Variants in BTBD9 observed in about 807,000 individuals in gnomAD.
BTBD9 encodes the protein BTB/POZ domain-containing protein 9.
In BTBD9, 49 loss-of-function variants were observed where a neutral mutation model predicts 64.3. The ratio of observed to expected loss-of-function variants is 0.76; its 90% CI spans 0.61 to 0.97. BTBD9 has a LOEUF of 0.97. BTBD9 is among the 50% of genes least tolerant of loss of function. BTBD9 has a pLI of 0.00. For synonymous variants in BTBD9, 260 were observed against 274.7 expected (o/e 0.95, Z 0.53); for missense variants, 598 against 762.1 (o/e 0.78, Z 2.53).
intron 6 of BTBD9, among the ~76,000 whole-genome samples, chr6:38,505,871 G>A (rs143717421): frequency 1.8e-4 from 25 of 142,024 alleles, no homozygotes; most frequent in African/African-American, 5.4e-4. Flanking sequence ...AGGCTGAGGC[G>A]GAAGAATCAC....
chr6:38,211,743 TA>T (rs34746816), intron 9 of BTBD9, among the ~76,000 whole-genome samples: 1 of 150,862 alleles, frequency 6.6e-6, no homozygotes, highest in African/African-American at 2.4e-5. Flanking sequence ...GATTCTGCCT[TA>T]AAAAAAAAAT....
chr6:38,443,718 G>A (rs143960334), intron 6 of BTBD9, among the ~76,000 whole-genome samples: 61 of 152,102 alleles, frequency 4.0e-4, no homozygotes, highest in Admixed American at 2.2e-3. Flanking sequence ...TCCTAAACTG[G>A]CTTCCTTCTA....
At chr6:38,309,559 C>T (rs966770058) in intron 7 of BTBD9, among the ~76,000 whole-genome samples, 4 of 151,438 alleles carry the variant, frequency 2.6e-5, no homozygotes, top group African/African-American at 4.9e-5. Context: ...ACTACAGGCA[C>T]GCACCACCAC....
intron 8 of BTBD9, among the ~76,000 whole-genome samples, chr6:38,264,970 G>A (rs1326642960): frequency 6.6e-6 from 1 of 152,108 alleles, no homozygotes; most frequent in Non-Finnish European, 1.5e-5. Flanking sequence ...CTCATCAGAT[G>A]GAATGGATTC....
At chr6:38,352,602 T>G (rs1171642675) in intron 6 of BTBD9, among the ~76,000 whole-genome samples, 1 of 152,158 alleles carries the variant, frequency 6.6e-6, no homozygotes. Context: ...TGGGGTAAGC[T>G]CCTTAATTTT....
intron 7 of BTBD9, among the ~76,000 whole-genome samples, chr6:38,308,916 C>T (rs538723059): frequency 6.6e-6 from 1 of 151,778 alleles, no homozygotes; most frequent in East Asian, 2.0e-4. Flanking sequence ...AGCCACTGCG[C>T]CTGGGCCAAC....
rs902858310 is a variant in BTBD9 at position 38,633,550 on chromosome 6, A to G, written c.-28+6250T>C. Among the ~76,000 whole-genome samples the G allele has an allele frequency of 9.2e-5, 14 of 152,316 alleles. No homozygotes were observed. In the South Asian group the frequency reaches 2.9e-3, roughly 32 times the overall value. ...CAAGAAAATAGGGACACAGACTGCCAGAATATTTTTGTGTCTCATATTCAG... is the reference window on the plus strand; with the variant it reads ...CAAGAAAATAGGGACACAGACTGCCGGAATATTTTTGTGTCTCATATTCAG... On this transcript the variant is annotated intron_variant, in intron 1 of 10. Coordinates refer to ENST00000481247, the MANE Select transcript of BTBD9 (RefSeq NM_001099272.2).
At chr6:38,363,373 C>T (rs1334147066) in intron 6 of BTBD9, among the ~76,000 whole-genome samples, 3 of 152,338 alleles carry the variant, frequency 2.0e-5, no homozygotes, top group Admixed American at 6.5e-5. Context: ...GCCCTGGCAA[C>T]ATAGTGAGAC....
chr6:38,340,365 C>G (rs1378967494), intron 7 of BTBD9, among the ~76,000 whole-genome samples: 1 of 152,056 alleles, frequency 6.6e-6, no homozygotes, highest in Admixed American at 6.6e-5. Flanking sequence ...ACAAAATAAA[C>G]CTAGTACATC....
At chr6:38,378,494 T>G (rs1034406161) in intron 6 of BTBD9, among the ~76,000 whole-genome samples, 12 of 149,966 alleles carry the variant, frequency 8.0e-5, no homozygotes, top group African/African-American at 2.9e-4. Context: ...CTCTGCCTCC[T>G]GAAGTGCTGG....
intron 2 of BTBD9, 40 bp downstream of exon 2, chr6:38,597,870 C>T (rs763744982): frequency 1.3e-6 from 2 of 1,571,694 alleles, no homozygotes; most frequent in African/African-American, 2.7e-5. Flanking sequence ...GTGTTTTCTA[C>T]AAGTGAACTA....
At chr6:38,577,309 G>A (rs975122960) in intron 6 of BTBD9, among the ~76,000 whole-genome samples, 15 of 152,140 alleles carry the variant, frequency 9.9e-5, no homozygotes, top group Admixed American at 2.0e-4. Flanking sequence ...TGTATAGCAC[G>A]GAGTTTAAAA....
At chr6:38,246,256 T>A (rs561604830) in intron 9 of BTBD9, among the ~76,000 whole-genome samples, 1 of 152,350 alleles carries the variant, frequency 6.6e-6, no homozygotes, top group Middle Eastern at 3.4e-3. Context: ...AATGTGCAGG[T>A]ATGACTGGCT....
chr6:38,197,562 G>A (rs779558330), intron 9 of BTBD9, among the ~76,000 whole-genome samples: 2 of 152,158 alleles, frequency 1.3e-5, no homozygotes, highest in Admixed American at 1.3e-4. Context: ...GTGACCATCC[G>A]CTAAAGTCTC....
intron 8 of BTBD9, among the ~76,000 whole-genome samples, chr6:38,287,036 C>T (rs556305923): frequency 6.7e-4 from 92 of 136,652 alleles, no homozygotes; most frequent in Admixed American, 3.2e-3. Context: ...GAGCCAAGAT[C>T]GCACCATTGC....
chr6:38,593,310 T>C (rs944277809), intron 3 of BTBD9, among the ~76,000 whole-genome samples: 3 of 152,220 alleles, frequency 2.0e-5, no homozygotes, highest in Admixed American at 1.3e-4. Flanking sequence ...TCAAAGATCA[T>C]TGTCTTTAAA....
Position 38,505,353 on chromosome 6 carries a change from G to A in BTBD9, c.1154+72247C>T, listed in dbSNP as rs147747643. 3.0e-3 allele frequency among the ~76,000 whole-genome samples: 459 copies of A among 152,188 alleles called. 6 individuals carry two copies. Among genetic ancestry groups the A allele is most frequent in the African/African-American group, 7.5e-3 (313 of 41,510 alleles). ...AAAATCCCCTATGGAGGCCAGGTGC[G>A]GTGGCTCACACCTGTCATCCCAGCA... On this transcript the variant is annotated intron_variant, in intron 6 of 10. Transcript: ENST00000481247.
At chr6:38,206,958 G>A (rs890742443) in intron 9 of BTBD9, among the ~76,000 whole-genome samples, 3 of 152,212 alleles carry the variant, frequency 2.0e-5, no homozygotes, top group Non-Finnish European at 4.4e-5. Context: ...CATATTGCCA[G>A]AGGAAGTACA....
At chr6:38,200,216 A>G (rs932007576) in intron 9 of BTBD9, among the ~76,000 whole-genome samples, 9 of 152,382 alleles carry the variant, frequency 5.9e-5, no homozygotes, top group Middle Eastern at 6.8e-3. Flanking sequence ...CTCCAGGGAA[A>G]CAAATGAAAA....
Sources: gnomAD v4.1 joint callset for allele counts (sites outside exome capture counted in the v4.1 genomes callset) on GRCh38, gnomAD v4.1.1 for gene constraint, MANE v1.5 for transcripts, NCBI Gene and HGNC (gene_info 2026-07-23, HGNC 2026-07-21) for gene names.